The following KCNQ1OT1 variants were observed in gnomAD, a reference collection of about 807,000 sequenced individuals.
KCNQ1OT1 encodes the protein KCNQ1 opposite strand/antisense transcript 1, also known as KCNQ1 antisense RNA 2 (non-protein coding).
At chr11:2,662,757 A>G (rs1361854296) in exon 1 of KCNQ1OT1, 2 of 399,278 alleles carry the variant, frequency 5.0e-6, no homozygotes, top group Non-Finnish European at 8.8e-6. Context: ...TCTGGCTGCT[A>G]ACCCGTTGGG....
In KCNQ1OT1 at chr11:2,673,256, T is replaced by G. The variant is rs1159305943; in HGVS notation, n.26739A>C. ...ATTCTGGGGACTGGGTGATGCAGAC[T>G]GCAAAGCCTCAGCCACCTTCTCCCC... On this transcript the variant is annotated non_coding_transcript_exon_variant, in exon 1 of 1. Transcript: ENST00000597346. This position sits in a 1 kb window ranked among gnomAD's most constrained non-coding sequence, Gnocchi z 4.5. 5.0e-6 allele frequency: 2 copies of G among 398,554 alleles called. No individual in the cohort carries two copies. The highest frequency in any genetic ancestry group is 2.1e-5 in the African/African-American group (1 of 48,630). 24.7% of individuals were successfully genotyped at this position (398,554 alleles called of 1,614,324 possible).
chr11:2,692,704 C>A (rs1850608207), exon 1 of KCNQ1OT1: 1 of 398,588 alleles, frequency 2.5e-6, no homozygotes, highest in Non-Finnish European at 4.4e-6. Context: ...TGTCCACTAA[C>A]CCTGGGAGGG....
rs1850568059 is a variant in KCNQ1OT1, at chr11:2,690,344, T to G, written n.9651A>C. 1 of 398,606 alleles carries G rather than the reference T, an allele frequency of 2.5e-6. No individual in the cohort carries two copies. The highest frequency in any genetic ancestry group is 2.1e-5 in the African/African-American group (1 of 48,650). 24.7% of individuals were successfully genotyped at this position (398,606 alleles called of 1,614,324 possible). Reference sequence around the variant, plus strand: ...AATGATGTCAAGTCTGAGGCTGCCCTGCAGCTGCTGTTTCCACTACTTGGC... The same window carrying G: ...AATGATGTCAAGTCTGAGGCTGCCCGGCAGCTGCTGTTTCCACTACTTGGC... On this transcript the variant is annotated non_coding_transcript_exon_variant, in exon 1 of 1. Transcript: ENST00000597346. The surrounding 1 kb of genome is among the most constrained non-coding windows in gnomAD (Gnocchi z 5.1).
Position 2,651,969 on chromosome 11 carries a change from C to G in KCNQ1OT1, n.48026G>C. On this transcript the variant is annotated non_coding_transcript_exon_variant, in exon 1 of 1. Transcript: ENST00000597346. The surrounding 1 kb of genome is among the most constrained non-coding windows in gnomAD (Gnocchi z 6.1). ...AGCCAGCAGCAGTGGGGGAGCCAAG[C>G]TGAGTTGATTACTTTTGACATCAGT... 2.5e-6 allele frequency: 1 copy of G among 398,714 alleles called. No homozygotes were observed. 24.7% of individuals were successfully genotyped at this position (398,714 alleles called of 1,614,324 possible).
At position 2,687,385 on chromosome 11, in the gene KCNQ1OT1, C is replaced by G. The variant is rs1850508645; in HGVS notation, n.12610G>C. 2.5e-6 allele frequency: 1 copy of G among 398,686 alleles called. No individual in the cohort carries two copies. The highest frequency in any genetic ancestry group is 4.4e-6 in the Non-Finnish European group (1 of 226,108). The allele number at this position is 398,686 out of a possible 1,614,324, so 24.7% of individuals were successfully genotyped here. On this transcript the variant is annotated non_coding_transcript_exon_variant, in exon 1 of 1. Coordinates refer to ENST00000597346, the Ensembl canonical transcript of KCNQ1OT1. The surrounding 1 kb of genome is among the most constrained non-coding windows in gnomAD (Gnocchi z 5.0). ...TTGGGCTGTCACTCAGGGCTGAGCT[C>G]TGCTGAAGGATCTGGGAGGTCAGTA... is the stretch of plus-strand genomic sequence containing the variant.
Position 2,612,463 on chromosome 11 carries a change from A to G in KCNQ1OT1, n.87532T>C, listed in dbSNP as rs1848997112. ...TTTTTCTTTCTATTCTTCAGTCTGAATCATCTTTATGGATCTGCGTTGAAG... is the reference window on the plus strand; with the variant it reads ...TTTTTCTTTCTATTCTTCAGTCTGAGTCATCTTTATGGATCTGCGTTGAAG... On this transcript the variant is annotated non_coding_transcript_exon_variant, in exon 1 of 1. Transcript: ENST00000597346. This position sits in a 1 kb window ranked among gnomAD's most constrained non-coding sequence, Gnocchi z 5.5. 5.0e-6 allele frequency: 2 copies of G among 398,582 alleles called. No individual in the cohort carries two copies. The highest frequency in any genetic ancestry group is 7.1e-5 in the East Asian group (2 of 28,068). 24.7% of individuals were successfully genotyped at this position (398,582 alleles called of 1,614,324 possible).
exon 1 of KCNQ1OT1, chr11:2,675,153 AG>A (rs890133869): frequency 3.3e-5 from 13 of 398,466 alleles, no homozygotes; most frequent in African/African-American, 8.2e-5. Flanking sequence ...ACCCTATTAG[AG>A]GTAGTGCTCT....
chr11:2,630,880 T>G, exon 1 of KCNQ1OT1: 1 of 398,538 alleles, frequency 2.5e-6, no homozygotes, highest in Non-Finnish European at 4.4e-6. Flanking sequence ...GTTTTTTATC[T>G]TTCAGAACTT....
In KCNQ1OT1 at chr11:2,611,213, T is replaced by C. The variant is rs543707963; in HGVS notation, n.88782A>G. On this transcript the variant is annotated non_coding_transcript_exon_variant, in exon 1 of 1. Coordinates refer to ENST00000597346, the Ensembl canonical transcript of KCNQ1OT1. This position sits in a 1 kb window ranked among gnomAD's most constrained non-coding sequence, Gnocchi z 5.3. ...TGTTTTTAAAGTCTATTTTGTCTGA[T>C]TTTATTTATTTTTATTTTATTTTTG... 1 of 398,448 alleles carries C rather than the reference T, an allele frequency of 2.5e-6. No individual in the cohort carries two copies. The highest frequency in any genetic ancestry group is 4.4e-5 in the Admixed American group (1 of 22,732). 24.7% of individuals were successfully genotyped at this position (398,448 alleles called of 1,614,324 possible). A position where few individuals can be genotyped will look rare whatever the true frequency, so the allele number is the denominator to read the frequency against.
exon 1 of KCNQ1OT1, chr11:2,693,319 C>T (rs1188829693): frequency 5.0e-6 from 2 of 398,656 alleles, no homozygotes; most frequent in Non-Finnish European, 8.8e-6. Context: ...GGCCTGGGCC[C>T]TCTCTCCCTG....
At chr11:2,699,393 C>A in exon 1 of KCNQ1OT1, 1 of 400,936 alleles carries the variant, frequency 2.5e-6, no homozygotes, top group Non-Finnish European at 4.4e-6. Context: ...CGTGTTCAAA[C>A]CCTCCCAGAG....
chr11:2,657,510 G>A lies in KCNQ1OT1; in HGVS notation n.42485C>T, dbSNP rs935566717. On this transcript the variant is annotated non_coding_transcript_exon_variant, in exon 1 of 1. Coordinates refer to ENST00000597346, the Ensembl canonical transcript of KCNQ1OT1. This position sits in a 1 kb window ranked among gnomAD's most constrained non-coding sequence, Gnocchi z 4.8. ...CCTCACATTTTTTATTTACAGAAGA[G>A]AAACAAAAATAGTACCGAGTACCCA... 1 of 398,508 alleles carries A rather than the reference G, an allele frequency of 2.5e-6. No homozygotes were observed. Among genetic ancestry groups the A allele is most frequent in the Non-Finnish European group, 4.4e-6 (1 of 226,028 alleles). The allele number at this position is 398,508 out of a possible 1,614,324, so 24.7% of individuals were successfully genotyped here. A position where few individuals can be genotyped will look rare whatever the true frequency, so the allele number is the denominator to read the frequency against.
In KCNQ1OT1 at chr11:2,683,025, A is replaced by G; in HGVS notation, n.16970T>C. 2.5e-6 allele frequency: 1 copy of G among 398,636 alleles called. No homozygotes were observed. Among genetic ancestry groups the G allele is most frequent in the Non-Finnish European group, 4.4e-6 (1 of 226,094 alleles). 24.7% of individuals were successfully genotyped at this position (398,636 alleles called of 1,614,324 possible). A position where few individuals can be genotyped will look rare whatever the true frequency, so the allele number is the denominator to read the frequency against. On this transcript the variant is annotated non_coding_transcript_exon_variant, in exon 1 of 1. Transcript: ENST00000597346. The surrounding 1 kb of genome is among the most constrained non-coding windows in gnomAD (Gnocchi z 4.7). Reference sequence around the variant, plus strand: ...TGCAGCCTTAGTTCTGCCTCCTGAGAGAGGTGACCTTCTCCCACTTCTTAC... The same window carrying G: ...TGCAGCCTTAGTTCTGCCTCCTGAGGGAGGTGACCTTCTCCCACTTCTTAC...
chr11:2,650,287 A>G (rs1366146979), exon 1 of KCNQ1OT1: 1 of 398,284 alleles, frequency 2.5e-6, no homozygotes, highest in Non-Finnish European at 4.4e-6. Flanking sequence ...TTGGAGAATT[A>G]TTGTGTTCTT....
exon 1 of KCNQ1OT1, chr11:2,689,784 G>A: frequency 2.5e-6 from 1 of 398,732 alleles, no homozygotes; most frequent in Non-Finnish European, 4.4e-6. Flanking sequence ...AGCCTAGGAG[G>A]GGAGGGGAAG....
Position 2,677,039 on chromosome 11 carries a change from T to C in KCNQ1OT1, n.22956A>G. On this transcript the variant is annotated non_coding_transcript_exon_variant, in exon 1 of 1. Coordinates refer to ENST00000597346, the Ensembl canonical transcript of KCNQ1OT1. The surrounding 1 kb of genome is among the most constrained non-coding windows in gnomAD (Gnocchi z 4.5). ...GGAACAGATCCTCTGTTGATGGATA[T>C]GTAGGGCAGCTAAAAAACAGCAGCC... The C allele has an allele frequency of 2.5e-6, 1 of 398,634 alleles. No individual in the cohort carries two copies. The highest frequency in any genetic ancestry group is 4.4e-6 in the Non-Finnish European group (1 of 226,056). The allele number at this position is 398,634 out of a possible 1,614,324, so 24.7% of individuals were successfully genotyped here. A position where few individuals can be genotyped will look rare whatever the true frequency, so the allele number is the denominator to read the frequency against.
chr11:2,610,783 T>C, exon 1 of KCNQ1OT1: 1 of 361,906 alleles, frequency 2.8e-6, no homozygotes, highest in South Asian at 1.5e-4. Context: ...CACTACTTTC[T>C]GGGTACCACT....
chr11:2,628,030 G>A (rs1360301254), exon 1 of KCNQ1OT1: 1 of 398,574 alleles, frequency 2.5e-6, no homozygotes, highest in African/African-American at 2.1e-5. Flanking sequence ...GGGATTACAG[G>A]TACAAGCCAC....
At chr11:2,666,354 T>A (rs1407385079) in exon 1 of KCNQ1OT1, 1 of 398,518 alleles carries the variant, frequency 2.5e-6, no homozygotes, top group Non-Finnish European at 4.4e-6. Flanking sequence ...GGCAAGCATG[T>A]GCTTGCCTGG....
Sources: allele counts gnomAD v4.1 joint callset, GRCh38; gene constraint gnomAD v4.1.1; non-coding constraint Gnocchi (gnomAD v3.1); transcripts MANE v1.5; gene names NCBI Gene and HGNC (gene_info 2026-07-23, HGNC 2026-07-21).